Variants in TNFRSF11A observed in about 807,000 individuals in gnomAD.
TNFRSF11A encodes tumor necrosis factor receptor superfamily member 11A.
In TNFRSF11A, 32 loss-of-function variants were observed where a neutral mutation model predicts 55.7. That is an observed-to-expected ratio of 0.57 (90% confidence interval 0.43 to 0.77). TNFRSF11A has a LOEUF of 0.77. Among genes scored for constraint, TNFRSF11A ranks in the 30% least tolerant of loss-of-function variants. The pLI is 0.00. For missense variants in TNFRSF11A, 753 were observed against 809.8 expected (o/e 0.93, Z 0.85); for synonymous variants, 311 against 331.0 (o/e 0.94, Z 0.65).
At chr18:62,370,936 TCTC>T (rs1910505125) in intron 9 of TNFRSF11A, among the ~76,000 whole-genome samples, 1 of 152,064 alleles carries the variant, frequency 6.6e-6, no homozygotes, top group Non-Finnish European at 1.5e-5. Flanking sequence ...TTCAAGCAGT[TCTC>T]CTGCCTCAGC....
At chr18:62,361,840 T>C in intron 7 of TNFRSF11A, 47 bp downstream of exon 7, 2 of 1,515,678 alleles carry the variant, frequency 1.3e-6, no homozygotes, top group Non-Finnish European at 1.8e-6. Flanking sequence ...AAAAGATAGA[T>C]TTCTAGGTAA....
rs2046067424 is a variant in TNFRSF11A at position 62,325,929 on chromosome 18, G to A, written c.75+502G>A. The stretch of plus-strand genomic sequence containing the variant: ...GCCTTTGCCTCCCCTGAGCCCCTTC[G>A]GGGACACCCCTGCCAGCTCGCCTGG... On this transcript the variant is annotated intron_variant, in intron 1 of 9. Transcript: ENST00000586569. This position sits in a 1 kb window ranked among gnomAD's most constrained non-coding sequence, Gnocchi z 4.7. Among the ~76,000 whole-genome samples, 1 of 152,188 alleles carries A rather than the reference G, an allele frequency of 6.6e-6. No homozygotes were observed. Among genetic ancestry groups the A allele is most frequent in the Non-Finnish European group, 1.5e-5 (1 of 68,026 alleles).
chr18:62,369,360 A>G lies in TNFRSF11A; in HGVS notation c.1443A>G (p.Glu481=). The G allele has an allele frequency of 2.5e-6, 4 of 1,610,300 alleles. No individual in the cohort carries two copies. Among genetic ancestry groups the G allele is most frequent in the Non-Finnish European group, 3.4e-6 (4 of 1,178,812 alleles). ...QCAYGMGLPP[E]EEASRTEARD... is the part of the protein sequence containing the mutation. ...CCTATGGCATGGGCCTTCCCCCTGA[A>G]GAAGAAGCCAGCAGGACGGAGGCCA... The change falls in exon 9 of 10, where the codon GAA becomes GAG. Residue 481 remains glutamate, a synonymous_variant. Coordinates refer to ENST00000586569, the MANE Select transcript of TNFRSF11A (RefSeq NM_003839.4).
intron 1 of TNFRSF11A, among the ~76,000 whole-genome samples, chr18:62,337,575 C>T (rs1015050933): frequency 1.3e-5 from 2 of 152,214 alleles, no homozygotes; most frequent in African/African-American, 2.4e-5. Flanking sequence ...CAAATATGTC[C>T]ACCTGTAATC....
chr18:62,364,815 G>A (rs968647608), intron 7 of TNFRSF11A, among the ~76,000 whole-genome samples: 6 of 152,074 alleles, frequency 3.9e-5, no homozygotes, highest in African/African-American at 1.2e-4. Flanking sequence ...CATGAGGTGG[G>A]CACTATTATT....
Position 62,348,220 on chromosome 18 carries a change from T to A in TNFRSF11A, c.128T>A (p.Leu43Gln). ...PCTSEKHYEH[L>Q]GRCCNKCEPG... ...ACCAGTGAGAAGCATTATGAGCATC[T>A]GGGACGGTGCTGTAACAAATGTGAA... The change falls in exon 2 of 10, where the codon CTG becomes CAG. Residue 43 changes from leucine (L) to glutamine (Q), a missense_variant. By Grantham distance (113) the Leu-to-Gln change is moderately radical. This residue lies in a region of TNFRSF11A where 156 missense variants were observed against 155.1 expected (regional missense o/e 1.01). Transcript: ENST00000586569. 1.2e-6 allele frequency: 2 copies of A among 1,614,158 alleles called. No homozygotes were observed. The highest frequency in any genetic ancestry group is 1.7e-6 in the Non-Finnish European group (2 of 1,180,028).
intron 9 of TNFRSF11A, among the ~76,000 whole-genome samples, chr18:62,380,435 A>ATTTTTTT (rs577681535): frequency 7.3e-6 from 1 of 136,360 alleles, no homozygotes; most frequent in African/African-American, 2.8e-5. Context: ...ACGGTCAGGA[A>ATTTTTTT]TTTTTTTTTT....
intron 9 of TNFRSF11A, among the ~76,000 whole-genome samples, chr18:62,377,070 T>C (rs954234101): frequency 7.9e-5 from 12 of 152,108 alleles, no homozygotes; most frequent in South Asian, 6.2e-4. Flanking sequence ...CCTGCCACCA[T>C]GCCCAGCAAA....
At chr18:62,334,489 G>A (rs898299371) in intron 1 of TNFRSF11A, among the ~76,000 whole-genome samples, 3 of 152,228 alleles carry the variant, frequency 2.0e-5, no homozygotes, top group African/African-American at 7.2e-5. Context: ...GGAGGAGGGA[G>A]AAGGATGGCC....
chr18:62,334,164 CCTCTA>C (rs2046197162), intron 1 of TNFRSF11A, among the ~76,000 whole-genome samples: 1 of 152,148 alleles, frequency 6.6e-6, no homozygotes, highest in African/African-American at 2.4e-5. Flanking sequence ...CCGCGCCTGG[CCTCTA>C]GAACTATTCT....
At chr18:62,366,513 C>CCA (rs2145347140) in intron 7 of TNFRSF11A, among the ~76,000 whole-genome samples, 195 bp from the exon 8 acceptor site, 1 of 152,210 alleles carries the variant, frequency 6.6e-6, no homozygotes, top group Admixed American at 6.5e-5. Context: ...GCGGATCTTG[C>CCA]CACACACACA....
intron 6 of TNFRSF11A, 132 bp from the exon 7 acceptor site, chr18:62,361,548 G>A (rs1020040832): frequency 4.7e-6 from 4 of 860,052 alleles, no homozygotes; most frequent in South Asian, 4.0e-5. Flanking sequence ...GCAGCCAAGG[G>A]TGGGGACTGT....
rs35003467 is a variant in TNFRSF11A, at chr18:62,354,434, C to G, written c.327C>G (p.Pro109=). The G allele has an allele frequency of 1.3e-5, 21 of 1,597,596 alleles. No individual in the cohort carries two copies. The Middle Eastern group carries it at 2.6e-3, about 195-fold the overall frequency. Reference sequence around the variant, plus strand: ...TGGTCGCCGGCAACAGCACGACCCCCCGGCGCTGCGCGTGCACGGCTGGGT... The same window carrying G: ...TGGTCGCCGGCAACAGCACGACCCCGCGGCGCTGCGCGTGCACGGCTGGGT... ...VAVVAGNSTT[P]RRCACTAGYH... is the part of the protein sequence containing the mutation. The change falls in exon 4 of 10, where the codon CCC becomes CCG. Residue 109 remains proline, a synonymous_variant. Coordinates refer to ENST00000586569, the MANE Select transcript of TNFRSF11A (RefSeq NM_003839.4).
Position 62,354,530 on chromosome 18 carries a change from C to T in TNFRSF11A, c.423C>T (p.His141=), listed in dbSNP as rs763226980. 14 of 1,602,668 alleles carry T rather than the reference C, an allele frequency of 8.7e-6. No homozygotes were observed. The African/African-American group carries it at 1.3e-4, about 15-fold the overall frequency. ...GCGCGCCGGGCCTGGGCGCCCAGCA[C>T]CCGTGTACGGGTTGGATGTGTGCGT... ...TECAPGLGAQ[H]PLQLNKDTVC... Residue 141 remains histidine (H), a synonymous_variant, in exon 4 of 10, where the codon CAC becomes CAT. Transcript: ENST00000586569.
chr18:62,382,627 G>T (rs1406141476), intron 9 of TNFRSF11A, among the ~76,000 whole-genome samples: 1 of 151,990 alleles, frequency 6.6e-6, no homozygotes, highest in East Asian at 1.9e-4. Context: ...GATAATGTCG[G>T]TGCTGTGTGT....
intron 1 of TNFRSF11A, among the ~76,000 whole-genome samples, chr18:62,347,298 G>A (rs891526369): frequency 6.6e-6 from 1 of 152,240 alleles, no homozygotes; most frequent in African/African-American, 2.4e-5. Flanking sequence ...CTTGTCAACA[G>A]GAGTGTGTGT....
rs1208618055 is a variant in TNFRSF11A, at chr18:62,385,579, C to G, written c.*545C>G. 6.6e-6 allele frequency: 1 copy of G among 151,986 alleles called. No homozygotes were observed. Among genetic ancestry groups the G allele is most frequent in the Non-Finnish European group, 1.5e-5 (1 of 68,052 alleles). The allele number at this position is 151,986 out of a possible 1,614,324, so 9.4% of individuals were successfully genotyped here. ...GCAGCCTCTAACTCCTGGGCTCAAG[C>G]AATCCAAGTGATCCTCCCACCTCAA... On this transcript the variant is annotated 3_prime_UTR_variant, in exon 10 of 10. Transcript: ENST00000586569.
chr18:62,330,216 A>G (rs2046131566), intron 1 of TNFRSF11A, among the ~76,000 whole-genome samples: 2 of 152,184 alleles, frequency 1.3e-5, no homozygotes, highest in Non-Finnish European at 2.9e-5. Flanking sequence ...AAAAGACAGC[A>G]GGATCCGGTG....
intron 1 of TNFRSF11A, among the ~76,000 whole-genome samples, chr18:62,340,921 A>G (rs1446011591): frequency 2.6e-5 from 4 of 152,216 alleles, no homozygotes; most frequent in East Asian, 1.9e-4. Context: ...ATAACACACC[A>G]TCTTGGTAGG....
Sources: gnomAD v4.1 joint callset for allele counts (sites outside exome capture counted in the v4.1 genomes callset) on GRCh38, gnomAD v4.1.1 for gene constraint, gnomAD v4.1.1 regional missense constraint, Gnocchi (gnomAD v3.1) non-coding constraint, MANE v1.5 for transcripts, NCBI Gene and HGNC (gene_info 2026-07-23, HGNC 2026-07-21) for gene names.